PIEZO2: variants seen among roughly 807,000 people sequenced by gnomAD.
The protein encoded by PIEZO2 is piezo-type mechanosensitive ion channel component 2.
Under a neutral mutation model 337.3 loss-of-function variants are expected in PIEZO2, and 172 were observed. The observed-to-expected ratio is 0.51, with a 90% CI of 0.45 to 0.58. PIEZO2 has a LOEUF of 0.58. PIEZO2 is among the 20% of genes least tolerant of loss of function. The pLI, the probability that PIEZO2 is intolerant of heterozygous loss-of-function variation, is 0.00. For synonymous variants in PIEZO2, 1,251 were observed against 1,228.5 expected, an observed-to-expected ratio of 1.02 and a Z score of -0.38; for missense variants, 3,028 against 3,391.3, an observed-to-expected ratio of 0.89 and a Z score of 2.66.
chr18:10,740,088 T>TAAGACATA (rs11280964), intron 33 of PIEZO2: 1 of 151,538 alleles, frequency 6.6e-6, no homozygotes, highest in African/African-American at 2.4e-5. Flanking sequence ...AGACATCATG[T>TAAGACATA]AAAGACTGAA....
rs2034658394 is a variant in PIEZO2 at position 10,981,315 on chromosome 18, T to C, written c.161-1655A>G. On this transcript the variant is annotated intron_variant, in intron 2 of 55. Transcript: ENST00000674853. ...GGCATCTTATGTAACACATAATAGA[T>C]ATGAAATCCATAAAATATTAGCAAA... 3.3e-5 allele frequency among the ~76,000 whole-genome samples: 5 copies of C among 152,140 alleles called. No homozygotes were observed. In the South Asian group the frequency reaches 1.0e-3, roughly 32 times the overall value.
At chr18:10,902,875 T>A (rs2043084090) in intron 4 of PIEZO2, among the ~76,000 whole-genome samples, 1 of 152,182 alleles carries the variant, frequency 6.6e-6, no homozygotes, top group Non-Finnish European at 1.5e-5. Context: ...GCATTGCTCG[T>A]GGGTCATGGG....
chr18:11,067,535 A>G (rs1380914752), intron 1 of PIEZO2, among the ~76,000 whole-genome samples: 1 of 152,236 alleles, frequency 6.6e-6, no homozygotes, highest in East Asian at 1.9e-4. Flanking sequence ...CTGAAGGTGA[A>G]AGGATGGAAA....
rs943985092 is a variant in PIEZO2 at position 11,109,631 on chromosome 18, T to A, written c.64+38894A>T. 6.6e-6 allele frequency among the ~76,000 whole-genome samples: 1 copy of A among 152,026 alleles called. No individual in the cohort carries two copies. The highest frequency in any genetic ancestry group is 2.4e-5 in the African/African-American group (1 of 41,376). ...TACACCGGAGGCTGAGGCAAGAGAA[T>A]TGTTTGAGCCTGGGAGGTGGAGGTT... On this transcript the variant is annotated intron_variant, in intron 1 of 55. Transcript: ENST00000674853. The surrounding 1 kb of genome is among the most constrained non-coding windows in gnomAD (Gnocchi z 5.1).
intron 4 of PIEZO2, among the ~76,000 whole-genome samples, chr18:10,893,391 C>T (rs1269115095): frequency 2.0e-5 from 3 of 152,188 alleles, no homozygotes; most frequent in Admixed American, 1.3e-4. Flanking sequence ...CCACCTCAAC[C>T]TCACTGCTGT....
chr18:10,770,330 C>G (rs1366818293), intron 20 of PIEZO2, 22 bp from the exon 21 acceptor site: 29 of 1,520,266 alleles, frequency 1.9e-5, no homozygotes, highest in Middle Eastern at 1.7e-4. Flanking sequence ...GAAGTACAGA[C>G]AAGAGCATAA....
In PIEZO2 at chr18:10,803,930, G is replaced by A. The variant is rs1035950451; in HGVS notation, c.1145C>T (p.Ala382Val). 50 of 1,537,154 alleles carry A rather than the reference G, an allele frequency of 3.3e-5. No homozygotes were observed. The highest frequency in any genetic ancestry group is 4.1e-5 in the African/African-American group (3 of 73,030). ...GTACCACAGGCTCCGCCTCCTCCCC[G>A]CTGTTATTTGGATGGGGCTACAAGC... ...ALACSPIQITAGRRRSLWYAT... is the reference protein window; with the variant it reads ...ALACSPIQITVGRRRSLWYAT... Residue 382 changes from alanine (A) to valine (V), a missense_variant, in exon 9 of 56, where the codon GCG becomes GTG. Around this residue, in one of 5 missense-constraint regions of PIEZO2, gnomAD observed 542 missense variants for 605.6 expected, o/e 0.89. Transcript: ENST00000674853.
chr18:10,904,823 A>T (rs2043136062), intron 4 of PIEZO2, among the ~76,000 whole-genome samples: 1 of 152,212 alleles, frequency 6.6e-6, no homozygotes, highest in African/African-American at 2.4e-5. Context: ...GCCCAGCATA[A>T]CTCAGTAGAA....
At chr18:11,118,275 C>T (rs1761796396) in intron 1 of PIEZO2, among the ~76,000 whole-genome samples, 2 of 152,196 alleles carry the variant, frequency 1.3e-5, no homozygotes, top group South Asian at 4.1e-4. Context: ...ATCTGCCTCT[C>T]CAACGCTGGG....
chr18:10,990,496 C>T (rs368514581), intron 2 of PIEZO2, among the ~76,000 whole-genome samples: 3 of 152,040 alleles, frequency 2.0e-5, no homozygotes, highest in Non-Finnish European at 4.4e-5. Flanking sequence ...GGTCTGCCCC[C>T]GTCCATGCAG....
At chr18:10,939,897 C>T (rs905187706) in intron 3 of PIEZO2, among the ~76,000 whole-genome samples, 3 of 151,962 alleles carry the variant, frequency 2.0e-5, no homozygotes, top group South Asian at 4.2e-4. Flanking sequence ...AACAAACCTG[C>T]ACATTCTGCA....
chr18:10,871,690 G>A (rs2042144806), intron 4 of PIEZO2, among the ~76,000 whole-genome samples: 1 of 152,166 alleles, frequency 6.6e-6, no homozygotes, highest in Admixed American at 6.6e-5. Flanking sequence ...CTATGTTTTT[G>A]TTAAATAAAC....
intron 42 of PIEZO2, among the ~76,000 whole-genome samples, chr18:10,702,650 C>T (rs2035392313): frequency 6.6e-6 from 1 of 152,200 alleles, no homozygotes; most frequent in South Asian, 2.1e-4. Context: ...TATCTGTGTG[C>T]CACATTAGTC....
chr18:10,704,402 A>C lies in PIEZO2; in HGVS notation c.6250T>G (p.Tyr2084Asp). ...SRRFWMMAIV[Y>D]TEVAIVVKYF... ...TCTGCGTCCAGGCCTACCTCAGTAT[A>C]GACGATGGCCATCATCCAGAACCGG... Residue 2084 changes from tyrosine (Y) to aspartate (D), a missense_variant, in exon 42 of 56, where the codon TAT becomes GAT. Physicochemically the swap from Tyr to Asp is radical, Grantham distance 160 (BLOSUM62 -3). Transcript: ENST00000674853. 1.3e-6 allele frequency: 2 copies of C among 1,537,180 alleles called. No homozygotes were observed. Among genetic ancestry groups the C allele is most frequent in the Non-Finnish European group, 1.7e-6 (2 of 1,146,902 alleles).
At chr18:10,924,053 G>A (rs1048820630) in intron 3 of PIEZO2, among the ~76,000 whole-genome samples, 2 of 152,342 alleles carry the variant, frequency 1.3e-5, no homozygotes, top group South Asian at 2.1e-4. Flanking sequence ...GTGTTTAAAT[G>A]AATAATGCTG....
intron 3 of PIEZO2, among the ~76,000 whole-genome samples, chr18:10,916,781 A>C (rs2031011470): frequency 6.6e-6 from 1 of 152,130 alleles, no homozygotes; most frequent in Non-Finnish European, 1.5e-5. Context: ...AGCGGGCCCC[A>C]AGGCGGAGGA....
intron 37 of PIEZO2, among the ~76,000 whole-genome samples, chr18:10,717,505 A>G (rs1324719214): frequency 1.3e-5 from 2 of 152,208 alleles, no homozygotes; most frequent in Non-Finnish European, 2.9e-5. Flanking sequence ...AGATAACCGC[A>G]TAGGCGCTCC....
At chr18:10,723,281 A>G (rs2036398240) in intron 36 of PIEZO2, among the ~76,000 whole-genome samples, 1 of 152,098 alleles carries the variant, frequency 6.6e-6, no homozygotes. Flanking sequence ...GGAGGCAGTG[A>G]TTAACTGTAT....
intron 27 of PIEZO2, among the ~76,000 whole-genome samples, chr18:10,756,666 G>A (rs570492271): frequency 3.3e-5 from 5 of 150,966 alleles, no homozygotes; most frequent in African/African-American, 7.3e-5. Context: ...GAGCTATGAG[G>A]ATGAGGAGGA....
Sources: allele counts gnomAD v4.1 joint callset (sites outside exome capture counted in the v4.1 genomes callset), GRCh38; gene constraint gnomAD v4.1.1; regional missense constraint gnomAD v4.1.1; non-coding constraint Gnocchi (gnomAD v3.1); transcripts MANE v1.5; gene names NCBI Gene and HGNC (gene_info 2026-07-23, HGNC 2026-07-21).